CNOT7: variants seen among roughly 807,000 people sequenced by gnomAD.
The protein encoded by CNOT7 is BTG1-binding factor 1.
Under a neutral mutation model 37.1 loss-of-function variants are expected in CNOT7, and 4 were observed. The observed-to-expected ratio is 0.11, with a 90% CI of 0.05 to 0.25. CNOT7 has a LOEUF of 0.25. CNOT7 is among the 10% of genes least tolerant of loss of function. The pLI, the probability that CNOT7 is intolerant of heterozygous loss-of-function variation, is 1.00. For synonymous variants in CNOT7, 128 were observed against 115.6 expected (o/e 1.11, Z -0.69); for missense variants, 170 against 336.2 (o/e 0.51, Z 3.87).
chr8:17,226,117 T>C lies in CNOT7; in HGVS notation c.*4603A>G, dbSNP rs933370149. 3.5e-5 allele frequency: 5 copies of C among 142,396 alleles called. No homozygotes were observed. Among genetic ancestry groups the C allele is most frequent in the Admixed American group, 7.6e-5 (1 of 13,192 alleles). The allele number at this position is 142,396 out of a possible 1,614,324, so 8.8% of individuals were successfully genotyped here. ...GCTAAGACAAAATGAAGGACATTAT[T>C]TAGGTACTCAAGGAAACTTTTCACC... On this transcript the variant is annotated 3_prime_UTR_variant, in exon 7 of 7. Transcript: ENST00000361272.
chr8:17,230,719 G>A lies in CNOT7; in HGVS notation c.*1C>T, dbSNP rs751588771. 4 of 1,596,876 alleles carry A rather than the reference G, an allele frequency of 2.5e-6. No individual in the cohort carries two copies. On this transcript the variant is annotated 3_prime_UTR_variant, in exon 7 of 7. Coordinates refer to ENST00000361272, the MANE Select transcript of CNOT7 (RefSeq NM_013354.7). ...AATAAAAATAAAAGGACTATTTCAT[G>A]TCATGACTGCTTGTTGGCTTCCTCT...
rs1808388076 is a variant in CNOT7 at position 17,229,630 on chromosome 8, A to C, written c.*1090T>G. ...CACTCCTCAGGTAATTTTATCAGCT[A>C]TATATATATATATGAGAATATATAT... On this transcript the variant is annotated 3_prime_UTR_variant, in exon 7 of 7. Coordinates refer to ENST00000361272, the MANE Select transcript of CNOT7 (RefSeq NM_013354.7). 1.3e-5 allele frequency: 2 copies of C among 150,408 alleles called. No individual in the cohort carries two copies. Among genetic ancestry groups the C allele is most frequent in the African/African-American group, 4.9e-5 (2 of 41,060 alleles). The allele number at this position is 150,408 out of a possible 1,614,324, so 9.3% of individuals were successfully genotyped here.
At position 17,228,581 on chromosome 8, in the gene CNOT7, A is replaced by G. The variant is rs963457381; in HGVS notation, c.*2139T>C. 4 of 151,906 alleles carry G rather than the reference A, an allele frequency of 2.6e-5. No homozygotes were observed. Among genetic ancestry groups the G allele is most frequent in the Non-Finnish European group, 2.9e-5 (2 of 67,828 alleles). 9.4% of individuals were successfully genotyped at this position (151,906 alleles called of 1,614,324 possible). On this transcript the variant is annotated 3_prime_UTR_variant, in exon 7 of 7. Coordinates refer to ENST00000361272, the MANE Select transcript of CNOT7 (RefSeq NM_013354.7). ...CACATTCAGTAGAAACTATAACCCC[A>G]TCTTTGGTCCTAAGGCGCTCCTAAA...
At chr8:17,235,012 CAT>C in intron 4 of CNOT7, 152 bp from the exon 5 acceptor site, 1 of 633,152 alleles carries the variant, frequency 1.6e-6, no homozygotes, top group East Asian at 2.8e-5. Context: ...AGAAAACAAA[CAT>C]ATTGAGAACT....
At chr8:17,243,707 T>C (rs1470918265) in intron 2 of CNOT7, 1 of 453,842 alleles carries the variant, frequency 2.2e-6, no homozygotes, top group Non-Finnish European at 4.4e-6. Flanking sequence ...CTGTCAAGAA[T>C]TGCATGCCAC....
At chr8:17,240,329 C>G (rs911346695) in intron 3 of CNOT7, among the ~76,000 whole-genome samples, 2 of 151,614 alleles carry the variant, frequency 1.3e-5, no homozygotes, top group Admixed American at 1.3e-4. Flanking sequence ...ACAAATTTGT[C>G]AACTTTCTTA....
At chr8:17,242,165 G>A (rs1810260630) in intron 3 of CNOT7, 3 of 152,104 alleles carry the variant, frequency 2.0e-5, no homozygotes, top group Admixed American at 2.0e-4. Context: ...ACACGAGAAC[G>A]TGCACACTCC....
rs1230614327 is a variant in CNOT7, at chr8:17,228,662, T to G, written c.*2058A>C. 1 of 151,904 alleles carries G rather than the reference T, an allele frequency of 6.6e-6. No homozygotes were observed. The highest frequency in any genetic ancestry group is 1.5e-5 in the Non-Finnish European group (1 of 67,842). 9.4% of individuals were successfully genotyped at this position (151,904 alleles called of 1,614,324 possible). A position where few individuals can be genotyped will look rare whatever the true frequency, so the allele number is the denominator to read the frequency against. On this transcript the variant is annotated 3_prime_UTR_variant, in exon 7 of 7. Transcript: ENST00000361272. The stretch of plus-strand genomic sequence containing the variant: ...ACTGTAAAGTTGAAAAATCATTAAG[T>G]CGAAAGTAAGTTAGGGATTATCTAT...
In CNOT7 at chr8:17,229,544, G is replaced by C. The variant is rs1056113706; in HGVS notation, c.*1176C>G. The C allele has an allele frequency of 3.0e-4, 45 of 151,996 alleles. No homozygotes were observed. Among genetic ancestry groups the C allele is most frequent in the African/African-American group, 1.1e-3 (45 of 41,382 alleles). The allele number at this position is 151,996 out of a possible 1,614,324, so 9.4% of individuals were successfully genotyped here. On this transcript the variant is annotated 3_prime_UTR_variant, in exon 7 of 7. Transcript: ENST00000361272. ...ATTCTGCATGGCTAAGTATTTCACAGTCTCTTTTGTCAATATATATAAAAT... is the reference window on the plus strand; with the variant it reads ...ATTCTGCATGGCTAAGTATTTCACACTCTCTTTTGTCAATATATATAAAAT...
intron 4 of CNOT7, among the ~76,000 whole-genome samples, chr8:17,235,987 G>C (rs191476424): frequency 3.9e-4 from 59 of 152,156 alleles, no homozygotes; most frequent in Middle Eastern, 3.4e-3. Flanking sequence ...AAAAGGGAAG[G>C]GCAATACTTT....
chr8:17,232,823 C>A (rs1236847835), intron 5 of CNOT7, among the ~76,000 whole-genome samples: 1 of 152,076 alleles, frequency 6.6e-6, no homozygotes, highest in Non-Finnish European at 1.5e-5. Flanking sequence ...GGGAAGGAAG[C>A]AGACCACATA....
rs1378090288 is a variant in CNOT7 at position 17,237,205 on chromosome 8, G to GT, written c.473+6dup. ...AACAAATGCCATTTTCAATGTAGTC[G>GT]TTTTACCTATGAAATGACAACCATT... is the stretch of plus-strand genomic sequence containing the variant. On this transcript the variant is annotated splice_region_variant and intron_variant, in intron 4 of 6. Transcript: ENST00000361272. 1 of 1,612,910 alleles carries GT rather than the reference G, an allele frequency of 6.2e-7. No homozygotes were observed. The highest frequency in any genetic ancestry group is 8.5e-7 in the Non-Finnish European group (1 of 1,179,464).
chr8:17,245,935 C>A (rs576249585), intron 1 of CNOT7: 1 of 150,600 alleles, frequency 6.6e-6, no homozygotes, highest in East Asian at 2.0e-4. Flanking sequence ...AATCCTTCTG[C>A]ATTTTTCATA....
Position 17,232,841 on chromosome 8 carries a change from A to G in CNOT7, c.619-304T>C, listed in dbSNP as rs1398923451. The stretch of plus-strand genomic sequence containing the variant: ...AAGGAAGCAGACCACATATAGGGTA[A>G]TATTTATCAAGTACACTCATAGTCT... On this transcript the variant is annotated intron_variant, in intron 5 of 6. Transcript: ENST00000361272. Among the ~76,000 whole-genome samples the G allele has an allele frequency of 2.6e-5, 4 of 152,204 alleles. No individual in the cohort carries two copies. In the South Asian group the frequency reaches 6.2e-4, roughly 24 times the overall value.
At position 17,225,896 on chromosome 8, in the gene CNOT7, CAT is replaced by C. The variant is rs1808120652; in HGVS notation, c.*4822_*4823del. ...CATTTATTTTATAGACATGAGATAA[CAT>C]ATGCATTCATAATTTGATTCCACCT... is the stretch of plus-strand genomic sequence containing the variant. On this transcript the variant is annotated 3_prime_UTR_variant, in exon 7 of 7. Coordinates refer to ENST00000361272, the MANE Select transcript of CNOT7 (RefSeq NM_013354.7). 1 of 151,566 alleles carries C rather than the reference CAT, an allele frequency of 6.6e-6. No individual in the cohort carries two copies. The highest frequency in any genetic ancestry group is 1.5e-5 in the Non-Finnish European group (1 of 67,668). The allele number at this position is 151,566 out of a possible 1,614,324, so 9.4% of individuals were successfully genotyped here. A position where few individuals can be genotyped will look rare whatever the true frequency, so the allele number is the denominator to read the frequency against.
rs780067798 is a variant in CNOT7 at position 17,230,495 on chromosome 8, GTATAT to G, written c.*220_*224del. 47 of 309,806 alleles carry G rather than the reference GTATAT, an allele frequency of 1.5e-4. No homozygotes were observed. Among genetic ancestry groups the G allele is most frequent in the Non-Finnish European group, 2.5e-4 (42 of 169,060 alleles). 19.2% of individuals were successfully genotyped at this position (309,806 alleles called of 1,614,324 possible). A position where few individuals can be genotyped will look rare whatever the true frequency, so the allele number is the denominator to read the frequency against. ...CTCTGTCACACACGCTTGCTAACAAGTATATTAAATTAAGGCCAAATTTAACCTGA... is the reference window on the plus strand; with the variant it reads ...CTCTGTCACACACGCTTGCTAACAAGTAAATTAAGGCCAAATTTAACCTGA... On this transcript the variant is annotated 3_prime_UTR_variant, in exon 7 of 7. Transcript: ENST00000361272.
In CNOT7 at chr8:17,227,691, G is replaced by A. The variant is rs1456525173; in HGVS notation, c.*3029C>T. 1.3e-5 allele frequency: 2 copies of A among 151,786 alleles called. No homozygotes were observed. Among genetic ancestry groups the A allele is most frequent in the African/African-American group, 4.8e-5 (2 of 41,410 alleles). The allele number at this position is 151,786 out of a possible 1,614,324, so 9.4% of individuals were successfully genotyped here. On this transcript the variant is annotated 3_prime_UTR_variant, in exon 7 of 7. Coordinates refer to ENST00000361272, the MANE Select transcript of CNOT7 (RefSeq NM_013354.7). ...TGCTTTCCCACCAGTTGGGAATATT[G>A]TGATGTTAGTCTGATACTGTCAGTC...
chr8:17,237,125 C>G (rs1368276869), intron 4 of CNOT7, 87 bp downstream of exon 4: 1 of 1,318,382 alleles, frequency 7.6e-7, no homozygotes, highest in East Asian at 2.3e-5. Context: ...AGAATTAAAC[C>G]TGAAATTGCT....
At chr8:17,246,392 A>C (rs921517238) in intron 1 of CNOT7, 2 of 152,666 alleles carry the variant, frequency 1.3e-5, no homozygotes, top group Admixed American at 1.3e-4. Flanking sequence ...CGCGTGAAAC[A>C]ATACGAAGAG....
Sources: gnomAD v4.1 joint callset for allele counts (sites outside exome capture counted in the v4.1 genomes callset) on GRCh38, gnomAD v4.1.1 for gene constraint, MANE v1.5 for transcripts, NCBI Gene and HGNC (gene_info 2026-07-23, HGNC 2026-07-21) for gene names.